The following PKHD1 variants were observed in gnomAD, a reference collection of about 807,000 sequenced individuals.
PKHD1 encodes the protein fibrocystin.
Under a neutral mutation model 412.0 loss-of-function variants are expected in PKHD1, and 291 were observed. The observed-to-expected ratio is 0.71, with a 90% confidence interval of 0.64 to 0.78. The LOEUF is 0.78. PKHD1 is among the 30% of genes least tolerant of loss of function. PKHD1 has a pLI of 0.00. For synonymous variants in PKHD1, 1,777 were observed against 1,821.5 expected, an observed-to-expected ratio of 0.98 and a Z score of 0.62; for missense variants, 4,825 against 4,950.7, an observed-to-expected ratio of 0.97 and a Z score of 0.76.
At chr6:51,790,336 C>G (rs770783009) in intron 53 of PKHD1, among the ~76,000 whole-genome samples, 19 of 152,116 alleles carry the variant, frequency 1.2e-4, no homozygotes, top group Admixed American at 3.3e-4. Flanking sequence ...ATATAGTCTA[C>G]CCATAACATT....
At chr6:51,675,463 T>A (rs764275928) in intron 60 of PKHD1, among the ~76,000 whole-genome samples, 1 of 152,216 alleles carries the variant, frequency 6.6e-6, no homozygotes, top group African/African-American at 2.4e-5. Flanking sequence ...ATGAAACCCA[T>A]GCTGGCTTTG....
intron 49 of PKHD1, among the ~76,000 whole-genome samples, chr6:51,853,168 C>T (rs1196771983): frequency 6.6e-6 from 1 of 152,136 alleles, no homozygotes; most frequent in African/African-American, 2.4e-5. Flanking sequence ...GCTTATGAAA[C>T]TTAGTTTGGC....
chr6:51,724,170 T>G (rs369010083), intron 60 of PKHD1, among the ~76,000 whole-genome samples: 34 of 152,306 alleles, frequency 2.2e-4, no homozygotes, highest in African/African-American at 7.9e-4. Flanking sequence ...AGACTGTATC[T>G]GCATAATAAG....
chr6:52,026,171 G>C lies in PKHD1; in HGVS notation c.3639C>G (p.Ile1213Met). 1.2e-6 allele frequency: 2 copies of C among 1,614,004 alleles called. No homozygotes were observed. The highest frequency in any genetic ancestry group is 1.7e-6 in the Non-Finnish European group (2 of 1,179,972). ...TGAAGCCTATTCCTGAGATGCTGAG[G>C]ATGGTCCCTCCTAAAGTATGAATAC... ...PCCGSLLGGT[I>M]LSISGIGFSR... The change falls in exon 32 of 67, where the codon ATC becomes ATG. Residue 1213 changes from isoleucine to methionine, a missense_variant. Ile to Met is a conservative substitution (Grantham distance 10, BLOSUM62 1). Transcript: ENST00000371117.
intron 36 of PKHD1, among the ~76,000 whole-genome samples, chr6:51,944,869 TA>T (rs1789210992): frequency 6.6e-6 from 1 of 152,260 alleles, no homozygotes; most frequent in Non-Finnish European, 1.5e-5. Context: ...TGAGCACTGC[TA>T]GACCATCTGC....
At chr6:51,815,796 G>T (rs183806834) in intron 52 of PKHD1, among the ~76,000 whole-genome samples, 1 of 152,182 alleles carries the variant, frequency 6.6e-6, no homozygotes, top group East Asian at 1.9e-4. Flanking sequence ...TTCTGTAAAG[G>T]TTAACTTATT....
intron 50 of PKHD1, among the ~76,000 whole-genome samples, chr6:51,837,619 T>C (rs1283251713): frequency 1.3e-5 from 2 of 152,048 alleles, no homozygotes; most frequent in African/African-American, 2.4e-5. Context: ...GGCAGGAGAA[T>C]TGCTTGAACC....
chr6:51,721,936 C>A (rs762627888), intron 60 of PKHD1: 1 of 1,612,904 alleles, frequency 6.2e-7, no homozygotes, highest in Non-Finnish European at 8.5e-7. Context: ...CACCCTGCTT[C>A]CTGCTGCCTC....
intron 21 of PKHD1, 33 bp downstream of exon 21, chr6:52,053,043 C>G (rs372691701): frequency 1.2e-6 from 2 of 1,605,434 alleles, no homozygotes; most frequent in Non-Finnish European, 1.7e-6. Flanking sequence ...GGCATGTGAC[C>G]GGCTTGTGGA....
intron 22 of PKHD1, among the ~76,000 whole-genome samples, chr6:52,049,654 A>G (rs1806456680): frequency 6.6e-6 from 1 of 152,224 alleles, no homozygotes; most frequent in Non-Finnish European, 1.5e-5. Flanking sequence ...AATGGTTATT[A>G]TGAAGCAATG....
At chr6:51,859,660 G>A (rs192045956) in intron 48 of PKHD1, among the ~76,000 whole-genome samples, 19 of 151,878 alleles carry the variant, frequency 1.3e-4, no homozygotes, top group African/African-American at 2.4e-4. Flanking sequence ...TTAATTGCTC[G>A]TCAAATTTCA....
chr6:51,951,440 G>C (rs1332158720), intron 36 of PKHD1, among the ~76,000 whole-genome samples: 1 of 152,100 alleles, frequency 6.6e-6, no homozygotes, highest in Non-Finnish European at 1.5e-5. Flanking sequence ...TCAAAGTTCA[G>C]TTAGCACTGA....
intron 34 of PKHD1, 53 bp from the exon 35 acceptor site, chr6:52,010,512 ATTATT>A: frequency 1.5e-6 from 2 of 1,377,692 alleles, no homozygotes; most frequent in South Asian, 2.3e-5. Context: ...ATGAAATGCA[ATTATT>A]TTTACTCTTA....
intron 2 of PKHD1, among the ~76,000 whole-genome samples, chr6:52,084,659 C>T (rs1812499700): frequency 6.6e-6 from 1 of 152,088 alleles, no homozygotes. Context: ...AGCTGTTAAA[C>T]AGAAAATAAA....
Position 52,084,835 on chromosome 6 carries a change from C to T in PKHD1, c.52+47G>A, listed in dbSNP as rs755683046. The T allele has an allele frequency of 3.1e-5, 35 of 1,112,674 alleles. No individual in the cohort carries two copies. In the South Asian group the frequency reaches 4.2e-4, roughly 13 times the overall value. 68.9% of individuals were successfully genotyped at this position (1,112,674 alleles called of 1,614,324 possible). A position where few individuals can be genotyped will look rare whatever the true frequency, so the allele number is the denominator to read the frequency against. ...GTTTCAATAATAGTTCTCAAGGTAA[C>T]CTATTGTGTTCTTACCTATAATTCC... is the stretch of plus-strand genomic sequence containing the variant. On this transcript the variant is annotated intron_variant, in intron 2 of 66. Transcript: ENST00000371117.
intron 60 of PKHD1, among the ~76,000 whole-genome samples, chr6:51,709,678 A>C (rs1337478881): frequency 6.6e-6 from 1 of 152,196 alleles, no homozygotes; most frequent in African/African-American, 2.4e-5. Context: ...ACTTTTGTTC[A>C]CTGACGTAAA....
chr6:51,807,519 G>GTGTT (rs1764030349), intron 52 of PKHD1, among the ~76,000 whole-genome samples: 1 of 144,152 alleles, frequency 6.9e-6, no homozygotes, highest in Non-Finnish European at 1.5e-5. Flanking sequence ...GTGTGTGTGT[G>GTGTT]TGTATCCATC....
At chr6:51,780,811 G>T (rs987794628) in intron 53 of PKHD1, among the ~76,000 whole-genome samples, 2 of 152,124 alleles carry the variant, frequency 1.3e-5, no homozygotes, top group African/African-American at 4.8e-5. Flanking sequence ...TTGATCAAAA[G>T]AGGGGAAACT....
intron 41 of PKHD1, 78 bp from the exon 42 acceptor site, chr6:51,904,120 T>C: frequency 1.1e-6 from 1 of 940,740 alleles, no homozygotes; most frequent in Non-Finnish European, 1.8e-6. Context: ...CACTACTTCT[T>C]TGGGTGTGGG....
Sources: allele counts gnomAD v4.1 joint callset (sites outside exome capture counted in the v4.1 genomes callset), GRCh38; gene constraint gnomAD v4.1.1; transcripts MANE v1.5; gene names NCBI Gene and HGNC (gene_info 2026-07-23, HGNC 2026-07-21).